The following SAMTOR variants were observed in gnomAD, a reference collection of about 807,000 sequenced individuals.
SAMTOR encodes the protein UPF0532 protein C7orf60.
chr7:112,914,442 A>C, the SAMTOR span, among the ~76,000 whole-genome samples: 1 of 152,000 alleles, frequency 6.6e-6, no homozygotes, highest in Non-Finnish European at 1.5e-5. Flanking sequence ...TAGTCAATAT[A>C]CTTATCCTTT....
At chr7:112,830,182 A>G in the SAMTOR span, among the ~76,000 whole-genome samples, 1 of 152,226 alleles carries the variant, frequency 6.6e-6, no homozygotes, top group Middle Eastern at 3.4e-3. Flanking sequence ...AATATCCTAG[A>G]GTAATTGTAG....
chr7:112,851,982 A>G, the SAMTOR span, among the ~76,000 whole-genome samples: 3 of 152,178 alleles, frequency 2.0e-5, no homozygotes, highest in Non-Finnish European at 4.4e-5. Context: ...AAAAAGTCAA[A>G]TAACAACAGA....
chr7:112,913,016 T>G, the SAMTOR span, among the ~76,000 whole-genome samples: 1 of 152,218 alleles, frequency 6.6e-6, no homozygotes, highest in Admixed American at 6.5e-5. Flanking sequence ...TAAACAGCAA[T>G]AGTACTGATT....
chr7:112,908,783 G>A, the SAMTOR span, among the ~76,000 whole-genome samples: 2 of 152,204 alleles, frequency 1.3e-5, no homozygotes, highest in East Asian at 1.9e-4. Context: ...GGTGTTACCC[G>A]GTGTAATGCC....
At chr7:112,914,276 GTTTT>G in the SAMTOR span, among the ~76,000 whole-genome samples, 6 of 131,002 alleles carry the variant, frequency 4.6e-5, no homozygotes, top group Admixed American at 7.8e-5. Flanking sequence ...TTAGCCTCTA[GTTTT>G]TTTTTTTTTT....
chr7:112,889,341 T>C, the SAMTOR span, among the ~76,000 whole-genome samples: 1 of 152,140 alleles, frequency 6.6e-6, no homozygotes, highest in South Asian at 2.1e-4. Context: ...TCAAATATAG[T>C]CTAACATAAA....
chr7:112,861,941 C>T, the SAMTOR span, among the ~76,000 whole-genome samples: 1 of 152,124 alleles, frequency 6.6e-6, no homozygotes, highest in African/African-American at 2.4e-5. Context: ...TGGGTCACAT[C>T]GTTGTACTAA....
At chr7:112,902,161 G>C in the SAMTOR span, among the ~76,000 whole-genome samples, 1 of 151,924 alleles carries the variant, frequency 6.6e-6, no homozygotes, top group Admixed American at 6.6e-5. Context: ...CCAGCACTTT[G>C]GGAGGCCGAG....
At chr7:112,887,562 AC>A in the SAMTOR span, among the ~76,000 whole-genome samples, 1 of 152,132 alleles carries the variant, frequency 6.6e-6, no homozygotes, top group Non-Finnish European at 1.5e-5. Context: ...ACCAGTGAAA[AC>A]ATCTGAGCCT....
the SAMTOR span, among the ~76,000 whole-genome samples, chr7:112,931,714 A>G: frequency 3.2e-4 from 48 of 152,330 alleles, no homozygotes; most frequent in South Asian, 9.7e-3. Context: ...CTCTAAATGC[A>G]TGAAGATTAA....
the SAMTOR span, chr7:112,939,759 C>G: frequency 6.6e-7 from 1 of 1,513,044 alleles, no homozygotes; most frequent in Non-Finnish European, 8.9e-7. Flanking sequence ...ATATCGCAGC[C>G]GCCGCCGCCG....
the SAMTOR span, among the ~76,000 whole-genome samples, chr7:112,865,834 A>G: frequency 1.4e-5 from 2 of 147,452 alleles, no homozygotes; most frequent in Non-Finnish European, 3.0e-5. Flanking sequence ...ATATTTATCT[A>G]TATACATATA....
At chr7:112,844,476 T>C in the SAMTOR span, among the ~76,000 whole-genome samples, 1 of 150,636 alleles carries the variant, frequency 6.6e-6, no homozygotes, top group Non-Finnish European at 1.5e-5. Context: ...AGCATTTCTA[T>C]ACACCAGTAA....
At chr7:112,825,367 T>A in the SAMTOR span, among the ~76,000 whole-genome samples, 3 of 152,154 alleles carry the variant, frequency 2.0e-5, no homozygotes, top group Non-Finnish European at 2.9e-5. Flanking sequence ...GTTTGCAGCA[T>A]GTGGATTTTT....
At chr7:112,832,735 A>T in the SAMTOR span, 1 of 1,108,578 alleles carries the variant, frequency 9.0e-7, no homozygotes, top group Non-Finnish European at 1.4e-6. Context: ...AATCACATAG[A>T]TTATCAGTTC....
the SAMTOR span, among the ~76,000 whole-genome samples, chr7:112,869,828 C>T: frequency 7.2e-5 from 11 of 152,114 alleles, no homozygotes; most frequent in South Asian, 2.3e-3. Context: ...GAAAAATGAT[C>T]CAGGAGTTGA....
At chr7:112,819,703 A>ATGTTG in the SAMTOR span, 1 of 152,554 alleles carries the variant, frequency 6.6e-6, no homozygotes, top group Non-Finnish European at 1.5e-5. Flanking sequence ...GCATAAGCAG[A>ATGTTG]ATCAACATCT....
the SAMTOR span, among the ~76,000 whole-genome samples, chr7:112,915,710 AATG>A: frequency 2.6e-5 from 4 of 151,258 alleles, no homozygotes; most frequent in East Asian, 1.9e-4. Flanking sequence ...TAAATAAATG[AATG>A]ATAACAGATT....
the SAMTOR span, among the ~76,000 whole-genome samples, chr7:112,909,216 C>A: frequency 1.3e-5 from 2 of 152,212 alleles, no homozygotes; most frequent in African/African-American, 4.8e-5. Flanking sequence ...TCCTGCTTCT[C>A]AATTCCATGG....
Sources: allele counts gnomAD v4.1 joint callset (sites outside exome capture counted in the v4.1 genomes callset), GRCh38; gene constraint gnomAD v4.1.1; transcripts MANE v1.5; gene names NCBI Gene and HGNC (gene_info 2026-07-23, HGNC 2026-07-21).